Variants in CNTN3 observed in about 807,000 individuals in gnomAD.
The protein encoded by CNTN3 is contactin 3.
In CNTN3, 60 loss-of-function variants were observed where a neutral mutation model predicts 119.1. The observed-to-expected ratio is 0.50, with a 90% CI of 0.41 to 0.62. The LOEUF is 0.62. Ranked by LOEUF, CNTN3 falls within the 20% of genes least tolerant of loss-of-function variation. The pLI, the probability that CNTN3 is intolerant of heterozygous loss-of-function variation, is 0.00. For synonymous variants in CNTN3, 450 were observed against 438.7 expected (o/e 1.03, Z -0.32); for missense variants, 1,101 against 1,242.4 (o/e 0.89, Z 1.71).
chr3:74,536,707 G>A (rs1425355319), intron 1 of CNTN3, among the ~76,000 whole-genome samples: 2 of 152,084 alleles, frequency 1.3e-5, no homozygotes, highest in Non-Finnish European at 2.9e-5. Context: ...GTACTACCAT[G>A]TGGACATTTG....
At chr3:74,370,525 C>A (rs1704308860) in intron 6 of CNTN3, among the ~76,000 whole-genome samples, 2 of 152,012 alleles carry the variant, frequency 1.3e-5, no homozygotes, top group African/African-American at 4.8e-5. Flanking sequence ...CAATCTTAAA[C>A]TTATTAAATG....
chr3:74,561,185 AT>A (rs1192743112), intron 1 of CNTN3, among the ~76,000 whole-genome samples: 4 of 151,144 alleles, frequency 2.6e-5, no homozygotes, highest in South Asian at 2.1e-4. Flanking sequence ...TAAAAAAAAA[AT>A]AAAAAAAAAT....
intron 4 of CNTN3, among the ~76,000 whole-genome samples, chr3:74,472,844 CTAGT>C (rs1702589328): frequency 6.6e-6 from 1 of 152,116 alleles, no homozygotes; most frequent in Non-Finnish European, 1.5e-5. Flanking sequence ...TTTAGCCACA[CTAGT>C]TAGTTATGAG....
chr3:74,574,622 T>C (rs9829284), intron 1 of CNTN3, among the ~76,000 whole-genome samples: 1 of 152,212 alleles, frequency 6.6e-6, no homozygotes, highest in Admixed American at 6.5e-5. Flanking sequence ...GCTGTTTTTC[T>C]CTTGTAAACT....
At chr3:74,357,860 T>C (rs1040611347) in intron 11 of CNTN3, among the ~76,000 whole-genome samples, 2 of 152,130 alleles carry the variant, frequency 1.3e-5, no homozygotes, top group Admixed American at 6.5e-5. Context: ...AATGCACCAA[T>C]GAATTCATTT....
At chr3:74,311,481 G>A (rs1702684641) in intron 13 of CNTN3, among the ~76,000 whole-genome samples, 1 of 152,146 alleles carries the variant, frequency 6.6e-6, no homozygotes, top group African/African-American at 2.4e-5. Context: ...AAATTCCTGA[G>A]TCTCTGAGTC....
At chr3:74,367,831 T>C (rs1478830847) in intron 8 of CNTN3, among the ~76,000 whole-genome samples, 3 of 152,084 alleles carry the variant, frequency 2.0e-5, no homozygotes, top group Non-Finnish European at 2.9e-5. Flanking sequence ...AAAACATTAA[T>C]ACAGTTGGAA....
intron 1 of CNTN3, among the ~76,000 whole-genome samples, chr3:74,588,655 C>T (rs1704642254): frequency 6.6e-6 from 1 of 152,190 alleles, no homozygotes; most frequent in South Asian, 2.1e-4. Context: ...CAAGTCATTC[C>T]TAAGCCAAAA....
intron 5 of CNTN3, among the ~76,000 whole-genome samples, chr3:74,385,489 G>A (rs188034905): frequency 5.3e-5 from 8 of 152,314 alleles, no homozygotes; most frequent in African/African-American, 1.9e-4. Context: ...AACCTGAAAT[G>A]AGCTTTTTGC....
intron 11 of CNTN3, among the ~76,000 whole-genome samples, chr3:74,358,440 TAAA>T (rs748434044): frequency 7.4e-6 from 1 of 135,462 alleles, no homozygotes; most frequent in Non-Finnish European, 1.6e-5. Flanking sequence ...TTCCCGTCCA[TAAA>T]AAAAAAAAAA....
intron 1 of CNTN3, among the ~76,000 whole-genome samples, chr3:74,528,437 G>A (rs1363770372): frequency 2.6e-5 from 4 of 151,856 alleles, no homozygotes; most frequent in Non-Finnish European, 4.4e-5. Context: ...TTACCAACTG[G>A]AAAATGTAGT....
At chr3:74,324,377 A>T (rs917428414) in intron 13 of CNTN3, among the ~76,000 whole-genome samples, 9 of 152,112 alleles carry the variant, frequency 5.9e-5, no homozygotes, top group African/African-American at 2.2e-4. Flanking sequence ...TCGCCCAGGT[A>T]ATTTTTAATT....
At chr3:74,574,195 G>A (rs1231614316) in intron 1 of CNTN3, among the ~76,000 whole-genome samples, 1 of 152,056 alleles carries the variant, frequency 6.6e-6, no homozygotes, top group Non-Finnish European at 1.5e-5. Flanking sequence ...ACCACAAAAG[G>A]CCACGTATTT....
intron 4 of CNTN3, among the ~76,000 whole-genome samples, chr3:74,470,390 C>T (rs1249518821): frequency 2.6e-5 from 4 of 152,226 alleles, no homozygotes; most frequent in African/African-American, 9.6e-5. Context: ...CTGTCCTTCT[C>T]CATTCCAGCT....
rs72900306 is a variant in CNTN3 at position 74,424,812 on chromosome 3, A to G, written c.454+33T>C. The G allele has an allele frequency of 4.4e-4, 690 of 1,578,408 alleles. 4 individuals are homozygous for G. The African/African-American group carries it at 8.5e-3, about 19-fold the overall frequency. On this transcript the variant is annotated intron_variant, in intron 5 of 22. Coordinates refer to ENST00000263665, the MANE Select transcript of CNTN3 (RefSeq NM_020872.3). ...TGCAGGCCTTGCCCTGAACCTTAAT[A>G]AATATGAAAAGCAGAAACAGAGCAT...
intron 4 of CNTN3, among the ~76,000 whole-genome samples, chr3:74,468,969 GC>G (rs1702512588): frequency 6.6e-6 from 1 of 151,904 alleles, no homozygotes; most frequent in Non-Finnish European, 1.5e-5. Flanking sequence ...TATTCTAAAG[GC>G]CATTGTTATA....
chr3:74,381,262 A>T (rs1704617149), intron 5 of CNTN3, among the ~76,000 whole-genome samples: 1 of 152,106 alleles, frequency 6.6e-6, no homozygotes, highest in South Asian at 2.1e-4. Flanking sequence ...ATAATAAGTG[A>T]TGGCTTCATT....
chr3:74,411,028 T>C (rs12490070), intron 5 of CNTN3, among the ~76,000 whole-genome samples: 90,787 of 151,824 alleles, frequency 0.6, 30,036 homozygotes, highest in East Asian at 0.81. Context: ...CTCTCTATCC[T>C]TTCCTCCCTC....
intron 13 of CNTN3, among the ~76,000 whole-genome samples, chr3:74,309,596 G>A (rs1234271438): frequency 6.6e-6 from 1 of 152,094 alleles, no homozygotes; most frequent in East Asian, 1.9e-4. Flanking sequence ...AGAACAATTA[G>A]AAATTAAAAT....
Sources: allele counts gnomAD v4.1 joint callset (sites outside exome capture counted in the v4.1 genomes callset), GRCh38; gene constraint gnomAD v4.1.1; transcripts MANE v1.5; gene names NCBI Gene and HGNC (gene_info 2026-07-23, HGNC 2026-07-21).